ACSL1: variants seen among roughly 807,000 people sequenced by gnomAD.
ACSL1 encodes the protein acyl-CoA synthetase long chain family member 1, also known as long-chain-fatty-acid--CoA ligase 1.
Under a neutral mutation model 98.4 loss-of-function variants are expected in ACSL1, and 41 were observed. The observed-to-expected ratio is 0.42, with a 90% confidence interval of 0.32 to 0.54. The LOEUF (loss-of-function observed/expected upper bound fraction) is 0.54. Among genes scored for constraint, ACSL1 ranks in the 20% least tolerant of loss-of-function variants. The pLI, the probability that ACSL1 is intolerant of heterozygous loss-of-function variation, is 0.13. For synonymous variants in ACSL1, 316 were observed against 322.7 expected (o/e 0.98, Z 0.22); for missense variants, 734 against 883.1 (o/e 0.83, Z 2.14).
intron 5 of ACSL1, among the ~76,000 whole-genome samples, chr4:184,779,282 A>C (rs1021285967): frequency 3.3e-5 from 5 of 152,074 alleles, no homozygotes; most frequent in African/African-American, 9.7e-5. Context: ...GTTTCATGAG[A>C]TCTGATGGGT....
At chr4:184,780,270 G>A in intron 5 of ACSL1, 62 bp downstream of exon 5, 2 of 1,385,696 alleles carry the variant, frequency 1.4e-6, no homozygotes, top group Non-Finnish European at 2.0e-6. Flanking sequence ...TCTAGCAGAA[G>A]TTAGGCTCTT....
chr4:184,757,177 C>G lies in ACSL1; in HGVS notation c.2045G>C (p.Arg682Pro). The change falls in exon 21 of 21, where the codon CGG (arginine) becomes CCG (proline). Residue 682 changes from arginine (R) to proline (P), a missense_variant. Physicochemically the swap from Arg to Pro is moderately radical, Grantham distance 103 (BLOSUM62 -2). Transcript: ENST00000281455. The surrounding 1 kb of genome is among the most constrained non-coding windows in gnomAD (Gnocchi z 4.5). Reference protein sequence around the residue: ...PTMKAKRPELRNYFRSQIDDL... With the variant: ...PTMKAKRPELPNYFRSQIDDL... ...ATCTATCTGCGACCTGAAATAGTTC[C>G]GCAGCTCTGGCCTTTTCGCCTTCAT... 6.2e-7 allele frequency: 1 copy of G among 1,609,472 alleles called. No individual in the cohort carries two copies. The highest frequency in any genetic ancestry group is 8.5e-7 in the Non-Finnish European group (1 of 1,176,140).
In ACSL1 at chr4:184,757,530, T is replaced by C. The variant is rs1241590939; in HGVS notation, c.1956+105A>G. On this transcript the variant is annotated intron_variant, in intron 20 of 20. Coordinates refer to ENST00000281455, the MANE Select transcript of ACSL1 (RefSeq NM_001995.5). This position sits in a 1 kb window ranked among gnomAD's most constrained non-coding sequence, Gnocchi z 4.5. ...AAACTACTCCATTATTTATTCCTCA[T>C]GTATGTCTTTAGGTCACCCCATATG... is the stretch of plus-strand genomic sequence containing the variant. The C allele has an allele frequency of 9.1e-7, 1 of 1,097,058 alleles. No individual in the cohort carries two copies. Among genetic ancestry groups the C allele is most frequent in the Non-Finnish European group, 1.3e-6 (1 of 753,860 alleles). The allele number at this position is 1,097,058 out of a possible 1,614,324, so 68.0% of individuals were successfully genotyped here. A position where few individuals can be genotyped will look rare whatever the true frequency, so the allele number is the denominator to read the frequency against.
intron 4 of ACSL1, among the ~76,000 whole-genome samples, chr4:184,781,423 C>G (rs765068299): frequency 6.6e-6 from 1 of 151,752 alleles, no homozygotes; most frequent in Admixed American, 6.6e-5. Flanking sequence ...GACAATATTA[C>G]AATGATAAGC....
chr4:184,811,511 A>G (rs1772117167), intron 1 of ACSL1, among the ~76,000 whole-genome samples: 1 of 152,148 alleles, frequency 6.6e-6, no homozygotes, highest in South Asian at 2.1e-4. Flanking sequence ...CCAACCTTTA[A>G]AAAGAAGGAA....
rs1174393165 is a variant in ACSL1 at position 184,785,600 on chromosome 4, CGGGG to C, written c.311-1613_311-1610del. Among the ~76,000 whole-genome samples, 5 of 19,188 alleles carry C rather than the reference CGGGG, an allele frequency of 2.6e-4. No individual in the cohort carries two copies. In the South Asian group the frequency reaches 0.032, roughly 121 times the overall value. The allele number at this position is 19,188 out of a possible 152,430, so 12.6% of individuals were successfully genotyped here. On this transcript the variant is annotated intron_variant, in intron 3 of 20. Coordinates refer to ENST00000281455, the MANE Select transcript of ACSL1 (RefSeq NM_001995.5). ...CTTAGAATAAAAAGATCCTCCTGGGCGGGGGCGGGGGGGGGGGGGGGAAGGAAGC... is the reference window on the plus strand; with the variant it reads ...CTTAGAATAAAAAGATCCTCCTGGGCGCGGGGGGGGGGGGGGGAAGGAAGC...
intron 2 of ACSL1, among the ~76,000 whole-genome samples, chr4:184,795,943 C>T (rs2150407553): frequency 6.6e-6 from 1 of 152,318 alleles, no homozygotes; most frequent in East Asian, 1.9e-4. Context: ...TCTCTCCATC[C>T]CAGCTATGCT....
Position 184,811,248 on chromosome 4 carries a change from T to A in ACSL1, c.-32-7702A>T, listed in dbSNP as rs553449097. Reference sequence around the variant, plus strand: ...CTCAGCCTCCGGAGTAGCTGGAACTTCAGGCACCCGCCACCACGCCTGGCT... The same window carrying A: ...CTCAGCCTCCGGAGTAGCTGGAACTACAGGCACCCGCCACCACGCCTGGCT... On this transcript the variant is annotated intron_variant, in intron 1 of 20. Coordinates refer to ENST00000281455, the MANE Select transcript of ACSL1 (RefSeq NM_001995.5). Among the ~76,000 whole-genome samples the A allele has an allele frequency of 3.4e-4, 51 of 152,010 alleles. 1 individual carries two copies. In the South Asian group the frequency reaches 5.0e-3, roughly 15 times the overall value.
chr4:184,793,974 TACTC>T (rs1768888211), intron 2 of ACSL1, among the ~76,000 whole-genome samples: 1 of 152,214 alleles, frequency 6.6e-6, no homozygotes, highest in Non-Finnish European at 1.5e-5. Flanking sequence ...GTCTCTATAT[TACTC>T]ACAATACCTA....
intron 1 of ACSL1, among the ~76,000 whole-genome samples, chr4:184,810,140 T>C (rs948885433): frequency 6.6e-6 from 1 of 152,244 alleles, no homozygotes; most frequent in Non-Finnish European, 1.5e-5. Context: ...GATTTTTAAA[T>C]GCACTTTTTA....
At position 184,773,369 on chromosome 4, in the gene ACSL1, C is replaced by T. The variant is rs995978268; in HGVS notation, c.842-215G>A. Among the ~76,000 whole-genome samples, 1 of 152,094 alleles carries T rather than the reference C, an allele frequency of 6.6e-6. No homozygotes were observed. The highest frequency in any genetic ancestry group is 1.5e-5 in the Non-Finnish European group (1 of 68,010). ...ATGGGCACATTTTAAAGGGTATATA[C>T]GTAGTCATAAGAGAAGAAAAACCAG... On this transcript the variant is annotated intron_variant, in intron 9 of 20. Transcript: ENST00000281455. The surrounding 1 kb of genome is among the most constrained non-coding windows in gnomAD (Gnocchi z 4.3).
At chr4:184,824,364 T>A (rs1444258336) in intron 1 of ACSL1, among the ~76,000 whole-genome samples, 1 of 152,132 alleles carries the variant, frequency 6.6e-6, no homozygotes, top group Admixed American at 6.6e-5. Flanking sequence ...TGACCTCAAA[T>A]GATCTGCCCG....
At position 184,770,355 on chromosome 4, in the gene ACSL1, A is replaced by C. The variant is rs1388400922; in HGVS notation, c.993+44T>G. ...TTTCTGTAAAACACAACAACTTAGC[A>C]GAACATACACAAACAAGCAAGGAAA... On this transcript the variant is annotated intron_variant, in intron 11 of 20. Coordinates refer to ENST00000281455, the MANE Select transcript of ACSL1 (RefSeq NM_001995.5). 3 of 1,607,106 alleles carry C rather than the reference A, an allele frequency of 1.9e-6. No individual in the cohort carries two copies. The South Asian group carries it at 3.3e-5, about 18-fold the overall frequency.
At chr4:184,769,297 AT>A (rs1187684434) in intron 11 of ACSL1, among the ~76,000 whole-genome samples, 2 of 152,004 alleles carry the variant, frequency 1.3e-5, no homozygotes, top group Admixed American at 1.3e-4. Context: ...ACACTGCATG[AT>A]TTTTTTCCTG....
chr4:184,811,405 C>CCCGGCCAGTCATGCGTCTCAATTGTTCT (rs1772103146), intron 1 of ACSL1, among the ~76,000 whole-genome samples: 1 of 152,132 alleles, frequency 6.6e-6, no homozygotes, highest in Non-Finnish European at 1.5e-5. Flanking sequence ...AGCCACCGCG[C>CCCGGCCAGTCATGCGTCTCAATTGTTCT]CCAGCTGCAC....
intron 2 of ACSL1, among the ~76,000 whole-genome samples, chr4:184,797,761 G>C (rs888340792): frequency 3.3e-5 from 5 of 152,186 alleles, no homozygotes; most frequent in African/African-American, 9.6e-5. Context: ...CAAGGGGTCC[G>C]AGCGGTACTT....
chr4:184,818,737 C>A (rs1772825205), intron 1 of ACSL1, among the ~76,000 whole-genome samples: 1 of 152,060 alleles, frequency 6.6e-6, no homozygotes, highest in Admixed American at 6.6e-5. Context: ...TCTGTGGAAG[C>A]CAGATATGCA....
intron 3 of ACSL1, among the ~76,000 whole-genome samples, chr4:184,785,485 T>C (rs1767056336): frequency 6.6e-6 from 1 of 151,988 alleles, no homozygotes; most frequent in Non-Finnish European, 1.5e-5. Context: ...GCTGCTTCTA[T>C]CATTCAACAA....
Position 184,760,404 on chromosome 4 carries a change from G to A in ACSL1, c.1735C>T (p.Arg579Ter), listed in dbSNP as rs1160032491. The A allele has an allele frequency of 2.5e-6, 4 of 1,614,130 alleles. No individual in the cohort carries two copies. The highest frequency in any genetic ancestry group is 3.4e-6 in the Non-Finnish European group (4 of 1,180,024). ...APEKIENIYM[R>*]SEPVAQVFVH... ...AACACCTGAGCAACAGGCTCACTTC[G>A]CATGTAGATATTTTCAATCTTTTCA... The change falls in exon 18 of 21, where the codon CGA becomes TGA. Residue 579 changes from arginine (R) to a stop codon, truncating the protein, a stop_gained. Coordinates refer to ENST00000281455, the MANE Select transcript of ACSL1 (RefSeq NM_001995.5). LOFTEE classifies it high-confidence loss of function.
Sources: allele counts gnomAD v4.1 joint callset (sites outside exome capture counted in the v4.1 genomes callset), GRCh38; gene constraint gnomAD v4.1.1; non-coding constraint Gnocchi (gnomAD v3.1); transcripts MANE v1.5; gene names NCBI Gene and HGNC (gene_info 2026-07-23, HGNC 2026-07-21).